The following FAM177A1 variants were observed in gnomAD, a reference collection of about 807,000 sequenced individuals.
FAM177A1 encodes the protein protein FAM177A1.
A neutral mutation model predicts 26.1 loss-of-function variants in FAM177A1; 22 were observed. The observed-to-expected ratio is 0.84, with a 90% confidence interval of 0.60 to 1.20. FAM177A1 has a LOEUF of 1.20. Ranked by LOEUF, FAM177A1 falls within the 50% of genes most tolerant of loss-of-function variation. The pLI is 0.00. For missense variants in FAM177A1, 296 were observed against 291.1 expected, an observed-to-expected ratio of 1.02 and a Z score of -0.12; for synonymous variants, 95 against 99.3, an observed-to-expected ratio of 0.96 and a Z score of 0.26.
At chr14:35,047,899 C>T (rs2044899408) in intron 1 of FAM177A1, among the ~76,000 whole-genome samples, 2 of 152,150 alleles carry the variant, frequency 1.3e-5, no homozygotes, top group African/African-American at 2.4e-5. Flanking sequence ...TAAGACATTT[C>T]CCCCAAACTG....
rs72680662 is a variant in FAM177A1, at chr14:35,069,989, G to A, written c.340-7161G>A. On this transcript the variant is annotated intron_variant, in intron 2 of 4. Coordinates refer to ENST00000280987, the MANE Select transcript of FAM177A1 (RefSeq NM_173607.5). Reference sequence around the variant, plus strand: ...AAATTAGGTGGGCGTGGTGGTGGGCGCCTGAAATCCCAGCTACTCGGGAGG... The same window carrying A: ...AAATTAGGTGGGCGTGGTGGTGGGCACCTGAAATCCCAGCTACTCGGGAGG... 4.6e-5 allele frequency among the ~76,000 whole-genome samples: 7 copies of A among 150,830 alleles called. No individual in the cohort carries two copies. The South Asian group carries it at 6.4e-4, about 14-fold the overall frequency.
chr14:35,058,867 C>T (rs1437405676), intron 2 of FAM177A1, among the ~76,000 whole-genome samples: 1 of 152,016 alleles, frequency 6.6e-6, no homozygotes, highest in African/African-American at 2.4e-5. Flanking sequence ...CAGAGTAAGA[C>T]CTTGCCTCAG....
chr14:35,079,436 G>A (rs1014385211), intron 4 of FAM177A1, among the ~76,000 whole-genome samples: 1 of 152,170 alleles, frequency 6.6e-6, no homozygotes, highest in Non-Finnish European at 1.5e-5. Context: ...TGTGCCAGGT[G>A]TTAATGCACA....
At chr14:35,077,676 G>C (rs991161112) in intron 3 of FAM177A1, among the ~76,000 whole-genome samples, 11 of 151,708 alleles carry the variant, frequency 7.3e-5, no homozygotes, top group South Asian at 2.1e-4. Flanking sequence ...TAGAGACGGG[G>C]TTTCACCTTG....
intron 1 of FAM177A1, chr14:35,046,904 A>G (rs1434663265): frequency 5.6e-6 from 7 of 1,244,984 alleles, no homozygotes; most frequent in Non-Finnish European, 7.1e-6. Context: ...TACCAGAGGA[A>G]GAAGAAAGGC....
intron 2 of FAM177A1, among the ~76,000 whole-genome samples, chr14:35,072,401 T>C (rs554755103): frequency 6.6e-6 from 1 of 152,008 alleles, no homozygotes; most frequent in South Asian, 2.1e-4. Context: ...TCACATTGAG[T>C]AGGCTGAGGA....
chr14:35,058,632 T>A (rs752600302), intron 2 of FAM177A1, among the ~76,000 whole-genome samples: 4 of 152,272 alleles, frequency 2.6e-5, no homozygotes, highest in Non-Finnish European at 4.4e-5. Context: ...CCCAGCACTT[T>A]GGGAGGCTGA....
chr14:35,062,562 A>C (rs985647277), intron 2 of FAM177A1, among the ~76,000 whole-genome samples: 3 of 152,204 alleles, frequency 2.0e-5, no homozygotes, highest in Admixed American at 2.0e-4. Flanking sequence ...GATTACAAAG[A>C]AGAGAGATAA....
At chr14:35,077,057 C>A in intron 2 of FAM177A1, 93 bp from the exon 3 acceptor site, 1 of 934,344 alleles carries the variant, frequency 1.1e-6, no homozygotes, top group South Asian at 1.3e-5. Context: ...AGAATATTCT[C>A]GGTGCCTACC....
chr14:35,081,273 T>A lies in FAM177A1; in HGVS notation c.*45T>A, dbSNP rs1279766266. On this transcript the variant is annotated 3_prime_UTR_variant, in exon 5 of 5. Coordinates refer to ENST00000280987, the MANE Select transcript of FAM177A1 (RefSeq NM_173607.5). ...TTCAAACTCTTAAGTTTTTTTTTTT[T>A]AATACAAAAACTTTCACATTCTTTA... The A allele has an allele frequency of 3.9e-6, 6 of 1,526,980 alleles. No individual in the cohort carries two copies. The highest frequency in any genetic ancestry group is 5.3e-6 in the Non-Finnish European group (6 of 1,134,200). The allele number at this position is 1,526,980 out of a possible 1,614,324, so 94.6% of individuals were successfully genotyped here.
rs554182341 is a variant in FAM177A1, at chr14:35,055,446, T to G, written c.339+1995T>G. ...TGCTGGGTCATGCAATAACTGTTTT[T>G]TTTTTTTTTTTGAGACAGGGTCTGT... On this transcript the variant is annotated intron_variant, in intron 2 of 4. Coordinates refer to ENST00000280987, the MANE Select transcript of FAM177A1 (RefSeq NM_173607.5). 8.2e-4 allele frequency among the ~76,000 whole-genome samples: 124 copies of G among 151,902 alleles called. 1 individual carries two copies. The highest frequency in any genetic ancestry group is 3.4e-3 in the Middle Eastern group (1 of 294).
In FAM177A1 at chr14:35,082,575, A is replaced by C. The variant is rs2045502272; in HGVS notation, c.*1347A>C. The stretch of plus-strand genomic sequence containing the variant: ...CACACACACACACACATATATCTCT[A>C]AATGTGTGTATAGAACCTTTTATCA... On this transcript the variant is annotated 3_prime_UTR_variant, in exon 5 of 5. Coordinates refer to ENST00000280987, the MANE Select transcript of FAM177A1 (RefSeq NM_173607.5). 1 of 152,062 alleles carries C rather than the reference A, an allele frequency of 6.6e-6. No individual in the cohort carries two copies. Among genetic ancestry groups the C allele is most frequent in the African/African-American group, 2.4e-5 (1 of 41,408 alleles). 9.4% of individuals were successfully genotyped at this position (152,062 alleles called of 1,614,324 possible).
chr14:35,056,429 T>C (rs888930615), intron 2 of FAM177A1, among the ~76,000 whole-genome samples: 9 of 152,006 alleles, frequency 5.9e-5, no homozygotes, highest in Admixed American at 2.6e-4. Flanking sequence ...GATCTTGGCT[T>C]ACTGCAACCT....
At chr14:35,052,595 A>G (rs1341931265) in intron 1 of FAM177A1, among the ~76,000 whole-genome samples, 2 of 151,988 alleles carry the variant, frequency 1.3e-5, no homozygotes, top group African/African-American at 2.4e-5. Flanking sequence ...ATATATATAG[A>G]TATATATAGT....
chr14:35,045,304 A>T (rs1018745123), upstream of FAM177A1: 2 of 152,152 alleles, frequency 1.3e-5, no homozygotes, highest in African/African-American at 4.8e-5. Flanking sequence ...TCAAATGATT[A>T]TTTGTTTTTT....
At chr14:35,053,505 T>A in intron 2 of FAM177A1, 54 bp downstream of exon 2, 2 of 1,579,036 alleles carry the variant, frequency 1.3e-6, no homozygotes, top group South Asian at 2.3e-5. Flanking sequence ...TGATTTATTT[T>A]TTTTCCCTAA....
At chr14:35,059,576 C>T (rs531622790) in intron 2 of FAM177A1, among the ~76,000 whole-genome samples, 133 of 148,720 alleles carry the variant, frequency 8.9e-4, no homozygotes, top group Non-Finnish European at 1.5e-3. Context: ...TCACTCATCG[C>T]CAGGCTGGAG....
chr14:35,080,731 A>G (rs1202582839), intron 4 of FAM177A1, among the ~76,000 whole-genome samples: 1 of 151,974 alleles, frequency 6.6e-6, no homozygotes, highest in Non-Finnish European at 1.5e-5. Flanking sequence ...AGCCTGGGAG[A>G]TGGAGGTTGC....
intron 1 of FAM177A1, among the ~76,000 whole-genome samples, chr14:35,047,380 A>G (rs562190322): frequency 1.3e-5 from 2 of 152,294 alleles, no homozygotes; most frequent in African/African-American, 4.8e-5. Context: ...AGCATATCGC[A>G]GTTCTGGCTG....
Sources: allele counts gnomAD v4.1 joint callset (sites outside exome capture counted in the v4.1 genomes callset), GRCh38; gene constraint gnomAD v4.1.1; transcripts MANE v1.5; gene names NCBI Gene and HGNC (gene_info 2026-07-23, HGNC 2026-07-21).